Variants in DLG2 observed in about 807,000 individuals in gnomAD.
DLG2 encodes discs large MAGUK scaffold protein 2.
Under a neutral mutation model 132.5 loss-of-function variants are expected in DLG2, and 45 were observed. The observed-to-expected ratio is 0.34, with a 90% CI of 0.27 to 0.44. The LOEUF is 0.44. Among genes scored for constraint, DLG2 ranks in the 20% least tolerant of loss-of-function variants. The probability of loss-of-function intolerance (pLI) is 1.00; values close to 1 mark genes in which losing one functional copy is unlikely to be tolerated. For synonymous variants in DLG2, 424 were observed against 419.6 expected (o/e 1.01, Z -0.13); for missense variants, 1,045 against 1,196.9 (o/e 0.87, Z 1.87).
intron 6 of DLG2, among the ~76,000 whole-genome samples, chr11:84,625,085 C>T (rs190531323): frequency 0.02 from 3,027 of 151,396 alleles, 98 homozygotes; most frequent in African/African-American, 0.069. Context: ...TGGTCTCGAT[C>T]TCCTGACCTC....
chr11:85,221,191 C>T (rs368844912), intron 4 of DLG2, among the ~76,000 whole-genome samples: 3 of 151,814 alleles, frequency 2.0e-5, no homozygotes, highest in African/African-American at 4.8e-5. Context: ...TACAGGTGCC[C>T]GCCACCACAC....
At chr11:85,278,865 A>ATGAC (rs1242833106) in intron 4 of DLG2, among the ~76,000 whole-genome samples, 1 of 152,160 alleles carries the variant, frequency 6.6e-6, no homozygotes, top group Admixed American at 6.5e-5. Context: ...TTCTAACAGT[A>ATGAC]TGACCCTGGA....
Position 83,494,896 on chromosome 11 carries a change from C to T in DLG2, c.2194-10668G>A, listed in dbSNP as rs149262920. Among the ~76,000 whole-genome samples the T allele has an allele frequency of 6.0e-3, 911 of 152,286 alleles. 4 individuals carry two copies. The highest frequency in any genetic ancestry group is 0.017 in the Middle Eastern group (5 of 294). On this transcript the variant is annotated intron_variant, in intron 21 of 27. Transcript: ENST00000376104. ...AGATAGGCCACATGCAGCTAAACCA[C>T]ATGAAGAACTAGAATAGAAGATTCA...
intron 3 of DLG2, among the ~76,000 whole-genome samples, chr11:85,299,385 G>T (rs996154563): frequency 6.6e-6 from 1 of 152,174 alleles, no homozygotes; most frequent in African/African-American, 2.4e-5. Context: ...TGGGTTAACA[G>T]GGATTTTGTT....
intron 15 of DLG2, among the ~76,000 whole-genome samples, chr11:83,914,300 T>C (rs754129480): frequency 6.6e-6 from 1 of 152,152 alleles, no homozygotes; most frequent in Non-Finnish European, 1.5e-5. Flanking sequence ...CACCATGTGA[T>C]CCTGGCTCCC....
At chr11:84,548,630 A>T (rs1488049151) in intron 6 of DLG2, among the ~76,000 whole-genome samples, 1 of 152,186 alleles carries the variant, frequency 6.6e-6, no homozygotes, top group Admixed American at 6.5e-5. Context: ...TTATGGCTGC[A>T]TAGTATTCCA....
intron 6 of DLG2, among the ~76,000 whole-genome samples, chr11:84,892,177 T>A (rs2089502784): frequency 6.6e-6 from 1 of 152,108 alleles, no homozygotes; most frequent in African/African-American, 2.4e-5. Flanking sequence ...TTGTGACACA[T>A]GAAAGGCAAC....
At chr11:83,778,781 G>A (rs181341313) in intron 18 of DLG2, among the ~76,000 whole-genome samples, 34 of 152,144 alleles carry the variant, frequency 2.2e-4, no homozygotes, top group Admixed American at 1.2e-3. Context: ...TAAGGAATCT[G>A]GAAAGGACCT....
chr11:85,437,425 T>C (rs1024797677), intron 3 of DLG2, among the ~76,000 whole-genome samples: 1 of 152,190 alleles, frequency 6.6e-6, no homozygotes, highest in Non-Finnish European at 1.5e-5. Flanking sequence ...AGAAAATTAA[T>C]TTATTTGTGC....
chr11:85,460,781 T>G (rs527784372), intron 3 of DLG2, among the ~76,000 whole-genome samples: 3 of 152,350 alleles, frequency 2.0e-5, no homozygotes, highest in East Asian at 3.9e-4. Flanking sequence ...TCTAGTATCT[T>G]GATCTTTGTA....
chr11:84,577,644 T>A (rs112913986), intron 6 of DLG2, among the ~76,000 whole-genome samples: 2,781 of 152,300 alleles, frequency 0.018, 25 homozygotes, highest in Middle Eastern at 0.037. Context: ...AAAAGTTGAT[T>A]TGGGTGCTGT....
At chr11:84,976,132 C>T (rs1047224109) in intron 6 of DLG2, among the ~76,000 whole-genome samples, 1 of 152,114 alleles carries the variant, frequency 6.6e-6, no homozygotes, top group African/African-American at 2.4e-5. Flanking sequence ...CATTATATGG[C>T]ATTATGTCTT....
intron 22 of DLG2, among the ~76,000 whole-genome samples, chr11:83,477,742 G>T (rs370608272): frequency 4.4e-4 from 67 of 151,000 alleles, no homozygotes; most frequent in Middle Eastern, 3.4e-3. Flanking sequence ...GAAAAGAGGG[G>T]TTTTTTTTTG....
intron 6 of DLG2, among the ~76,000 whole-genome samples, chr11:84,835,728 A>G (rs1170244382): frequency 1.3e-5 from 2 of 151,738 alleles, no homozygotes; most frequent in Non-Finnish European, 2.9e-5. Context: ...GTAGCTATCT[A>G]TATACATCAT....
At chr11:83,850,527 A>G (rs1040475963) in intron 16 of DLG2, among the ~76,000 whole-genome samples, 3 of 152,132 alleles carry the variant, frequency 2.0e-5, no homozygotes, top group African/African-American at 7.2e-5. Context: ...TAATTAATGA[A>G]TAAGGAAAAG....
At chr11:84,209,822 G>T (rs1255941120) in intron 8 of DLG2, among the ~76,000 whole-genome samples, 1 of 152,180 alleles carries the variant, frequency 6.6e-6, no homozygotes, top group Non-Finnish European at 1.5e-5. Context: ...TGTTGAAGAG[G>T]ATACAGAGGA....
At chr11:84,028,652 C>T (rs2095606846) in intron 11 of DLG2, among the ~76,000 whole-genome samples, 1 of 152,120 alleles carries the variant, frequency 6.6e-6, no homozygotes, top group African/African-American at 2.4e-5. Context: ...TTACTCCTTA[C>T]CATGGCCTCC....
chr11:83,630,363 G>T (rs115241374), intron 19 of DLG2, among the ~76,000 whole-genome samples: 5,188 of 152,192 alleles, frequency 0.034, 269 homozygotes, highest in African/African-American at 0.11. Flanking sequence ...GTAGGGTATG[G>T]GAGGTAAATC....
At chr11:84,705,118 G>A (rs1388507157) in intron 6 of DLG2, among the ~76,000 whole-genome samples, 7 of 151,686 alleles carry the variant, frequency 4.6e-5, no homozygotes, top group Non-Finnish European at 7.4e-5. Flanking sequence ...TAAAGGGAAT[G>A]AAGCATTCAA....
Sources: allele counts gnomAD v4.1 joint callset (sites outside exome capture counted in the v4.1 genomes callset), GRCh38; gene constraint gnomAD v4.1.1; transcripts MANE v1.5; gene names NCBI Gene and HGNC (gene_info 2026-07-23, HGNC 2026-07-21).